Variants in EFTUD2 observed in about 807,000 individuals in gnomAD.
The protein encoded by EFTUD2 is 116 kDa U5 small nuclear ribonucleoprotein component.
Under a neutral mutation model 114.3 loss-of-function variants are expected in EFTUD2, and 9 were observed. The observed-to-expected ratio is 0.08, with a 90% CI of 0.05 to 0.14. EFTUD2 has a LOEUF of 0.14. Among genes scored for constraint, EFTUD2 ranks in the 10% least tolerant of loss-of-function variants. EFTUD2 has a pLI of 1.00. For missense variants in EFTUD2, 765 were observed against 1,241.2 expected, an observed-to-expected ratio of 0.62 and a Z score of 5.76; for synonymous variants, 449 against 462.3, an observed-to-expected ratio of 0.97 and a Z score of 0.37.
rs746499363 is a variant in EFTUD2, at chr17:44,883,548, C to G, written c.426+101G>C. 16 of 1,099,948 alleles carry G rather than the reference C, an allele frequency of 1.5e-5. No homozygotes were observed. The African/African-American group carries it at 1.9e-4, about 13-fold the overall frequency. The allele number at this position is 1,099,948 out of a possible 1,614,324, so 68.1% of individuals were successfully genotyped here. Reference sequence around the variant, plus strand: ...CAGCACCCCTAGTCAGGAGGTTGAGCCTTGTGACCTCAAACCTCAACCGCT... The same window carrying G: ...CAGCACCCCTAGTCAGGAGGTTGAGGCTTGTGACCTCAAACCTCAACCGCT... On this transcript the variant is annotated intron_variant, in intron 5 of 27. Transcript: ENST00000426333.
At chr17:44,874,402 T>C (rs779547063) in intron 10 of EFTUD2, among the ~76,000 whole-genome samples, 1 of 152,116 alleles carries the variant, frequency 6.6e-6, no homozygotes, top group African/African-American at 2.4e-5. Flanking sequence ...CACACTGGGC[T>C]CTAGTCATTC....
intron 7 of EFTUD2, 145 bp from the exon 8 acceptor site, chr17:44,880,789 C>A: frequency 3.4e-6 from 2 of 584,436 alleles, no homozygotes; most frequent in Non-Finnish European, 6.0e-6. Context: ...CCAGCATGAC[C>A]TTGAAGATAA....
intron 2 of EFTUD2, among the ~76,000 whole-genome samples, chr17:44,887,720 T>C (rs969667410): frequency 8.5e-5 from 13 of 152,168 alleles, no homozygotes; most frequent in Non-Finnish European, 1.9e-4. Flanking sequence ...GGAGTTTTTT[T>C]CTGAGATAAT....
At chr17:44,857,341 C>A in intron 19 of EFTUD2, 184 bp from the exon 20 acceptor site, 1 of 528,744 alleles carries the variant, frequency 1.9e-6, no homozygotes. Flanking sequence ...ACCAAAAAGC[C>A]CAAGAAAACT....
intron 9 of EFTUD2, among the ~76,000 whole-genome samples, chr17:44,877,929 C>T (rs113854109): frequency 2.4e-3 from 367 of 152,094 alleles, no homozygotes; most frequent in African/African-American, 8.2e-3. Flanking sequence ...GTCAGGAGTT[C>T]GAGACCAGCC....
intron 7 of EFTUD2, 95 bp from the exon 8 acceptor site, chr17:44,880,739 G>T: frequency 1.1e-6 from 1 of 886,422 alleles, no homozygotes; most frequent in African/African-American, 1.6e-5. Flanking sequence ...TTACACTGAT[G>T]CCTCTCCTTA....
chr17:44,892,240 C>T (rs1254568492), intron 2 of EFTUD2: 1 of 152,204 alleles, frequency 6.6e-6, no homozygotes, highest in African/African-American at 2.4e-5. Flanking sequence ...GTAATCTCAG[C>T]ATTTTGGGAG....
At chr17:44,857,012 A>G (rs1414091493) in intron 20 of EFTUD2, 63 bp downstream of exon 20, 31 of 1,375,890 alleles carry the variant, frequency 2.3e-5, no homozygotes, top group Non-Finnish European at 3.1e-5. Context: ...GTAGAGGTGG[A>G]AGATAAAGGA....
chr17:44,881,633 T>A, intron 7 of EFTUD2, 54 bp downstream of exon 7: 2 of 1,593,934 alleles, frequency 1.3e-6, no homozygotes, highest in Non-Finnish European at 8.6e-7. Flanking sequence ...CCTACAAAAC[T>A]ATTACTGGTG....
chr17:44,875,462 G>A (rs1478290269), intron 10 of EFTUD2, among the ~76,000 whole-genome samples: 3 of 152,048 alleles, frequency 2.0e-5, no homozygotes, highest in Non-Finnish European at 4.4e-5. Flanking sequence ...CCCGGGAGGC[G>A]GAGCTTGCAG....
chr17:44,894,629 T>C, intron 1 of EFTUD2, 104 bp from the exon 2 acceptor site: 1 of 785,780 alleles, frequency 1.3e-6, no homozygotes, highest in South Asian at 1.5e-5. Context: ...CCATACCCCT[T>C]TCACATGCCT....
intron 11 of EFTUD2, among the ~76,000 whole-genome samples, chr17:44,871,316 C>T (rs1338367469): frequency 6.6e-6 from 1 of 151,306 alleles, no homozygotes; most frequent in Non-Finnish European, 1.5e-5. Flanking sequence ...TGAGCCACTG[C>T]ACCTGGTCAA....
In EFTUD2 at chr17:44,860,546, G is replaced by A. The variant is rs1447033982; in HGVS notation, c.1608-3C>T. The A allele has an allele frequency of 1.3e-6, 2 of 1,587,298 alleles. No individual in the cohort carries two copies. Among genetic ancestry groups the A allele is most frequent in the Admixed American group, 1.7e-5 (1 of 59,896 alleles). On this transcript the variant is annotated splice_polypyrimidine_tract_variant and splice_region_variant and intron_variant, in intron 16 of 27. Transcript: ENST00000426333. ...CACGGTTCACCTCGATGTGGTACCT[G>A]AAGCAATGTCCAATAAGCAGCAGTG...
rs943921577 is a variant in EFTUD2, at chr17:44,850,127, G to A, written c.*1147C>T. 2 of 532,504 alleles carry A rather than the reference G, an allele frequency of 3.8e-6. No homozygotes were observed. Among genetic ancestry groups the A allele is most frequent in the African/African-American group, 3.8e-5 (2 of 53,016 alleles). The allele number at this position is 532,504 out of a possible 1,614,324, so 33.0% of individuals were successfully genotyped here. A position where few individuals can be genotyped will look rare whatever the true frequency, so the allele number is the denominator to read the frequency against. ...TCTCAGATACACAATACATGTGAAA[G>A]TGTTTCGTGAACTGTCAGATAAGTG... is the stretch of plus-strand genomic sequence containing the variant. On this transcript the variant is annotated 3_prime_UTR_variant, in exon 28 of 28. Transcript: ENST00000426333.
chr17:44,892,067 G>A (rs1273688463), intron 2 of EFTUD2: 1 of 152,082 alleles, frequency 6.6e-6, no homozygotes. Flanking sequence ...GCCTATTACT[G>A]GGTTTTTAGT....
intron 6 of EFTUD2, among the ~76,000 whole-genome samples, 176 bp downstream of exon 6, chr17:44,882,917 C>G (rs1217708110): frequency 6.6e-6 from 1 of 152,064 alleles, no homozygotes; most frequent in Non-Finnish European, 1.5e-5. Context: ...TCTCTATGCT[C>G]CCGAGAAAGT....
chr17:44,863,044 A>C, intron 15 of EFTUD2, 138 bp from the exon 16 acceptor site: 4 of 635,002 alleles, frequency 6.3e-6, no homozygotes, highest in Admixed American at 2.9e-5. Flanking sequence ...TCTCCAAACC[A>C]TGTTCTACCC....
chr17:44,860,362 T>C, intron 17 of EFTUD2, 70 bp downstream of exon 17: 9 of 1,092,062 alleles, frequency 8.2e-6, no homozygotes, highest in Non-Finnish European at 9.9e-6. Flanking sequence ...ATTAGTCCCG[T>C]TTGTGCTCAT....
At chr17:44,859,865 G>A (rs747007158) in intron 18 of EFTUD2, 40 bp downstream of exon 18, 1 of 1,613,152 alleles carries the variant, frequency 6.2e-7, no homozygotes, top group East Asian at 2.2e-5. Flanking sequence ...TTCAGCTGGG[G>A]ATAGTGGGGC....
Sources: allele counts gnomAD v4.1 joint callset (sites outside exome capture counted in the v4.1 genomes callset), GRCh38; gene constraint gnomAD v4.1.1; transcripts MANE v1.5; gene names NCBI Gene and HGNC (gene_info 2026-07-23, HGNC 2026-07-21).